The following PIK3R3 variants were observed in gnomAD, a reference collection of about 807,000 sequenced individuals.
PIK3R3 encodes the protein phosphoinositide-3-kinase regulatory subunit 3.
Under a neutral mutation model 62.9 loss-of-function variants are expected in PIK3R3, and 64 were observed. The ratio of observed to expected loss-of-function variants is 1.02; its 90% CI spans 0.83 to 1.25. The LOEUF is 1.25. Ranked by LOEUF, PIK3R3 falls within the 50% of genes most tolerant of loss-of-function variation. The pLI is 0.00. For synonymous variants in PIK3R3, 165 were observed against 189.0 expected, an observed-to-expected ratio of 0.87 and a Z score of 1.04; for missense variants, 614 against 561.6, an observed-to-expected ratio of 1.09 and a Z score of -0.94.
chr1:46,078,532 A>G (rs1183058549), intron 2 of PIK3R3, among the ~76,000 whole-genome samples: 1 of 152,068 alleles, frequency 6.6e-6, no homozygotes, highest in African/African-American at 2.4e-5. Context: ...ACTGAACGAG[A>G]CTCTATCTCA....
chr1:46,120,434 G>T (rs1429462550), intron 1 of PIK3R3, among the ~76,000 whole-genome samples: 1 of 152,242 alleles, frequency 6.6e-6, no homozygotes, highest in East Asian at 1.9e-4. Flanking sequence ...TTAGCCAGGC[G>T]TGGTGGTGGG....
At chr1:46,095,933 G>A (rs1374246323) in intron 1 of PIK3R3, among the ~76,000 whole-genome samples, 1 of 152,144 alleles carries the variant, frequency 6.6e-6, no homozygotes, top group Non-Finnish European at 1.5e-5. Context: ...CCTCCTGATA[G>A]CAATGAATTA....
chr1:46,049,318 C>T (rs1647196057), intron 7 of PIK3R3, among the ~76,000 whole-genome samples: 1 of 152,140 alleles, frequency 6.6e-6, no homozygotes, highest in African/African-American at 2.4e-5. Flanking sequence ...GCCCAACTAC[C>T]ACACTTTAAG....
the PIK3R3 span, among the ~76,000 whole-genome samples, chr1:46,141,973 C>A: frequency 4.6e-5 from 7 of 152,338 alleles, no homozygotes; most frequent in South Asian, 1.2e-3. Flanking sequence ...ATACTCCAAA[C>A]CTTCACTACT....
chr1:46,047,715 C>T (rs1647154394), intron 7 of PIK3R3, among the ~76,000 whole-genome samples: 1 of 152,172 alleles, frequency 6.6e-6, no homozygotes, highest in African/African-American at 2.4e-5. Flanking sequence ...TACACTTTAC[C>T]TTGTTTTATC....
chr1:46,165,586 G>A, the PIK3R3 span, among the ~76,000 whole-genome samples: 2 of 151,708 alleles, frequency 1.3e-5, no homozygotes, highest in South Asian at 2.1e-4. Context: ...GATTACAAGC[G>A]TGAGCCACTG....
intron 1 of PIK3R3, among the ~76,000 whole-genome samples, chr1:46,087,592 CT>C (rs35296719): frequency 0.011 from 1,146 of 100,350 alleles, 8 homozygotes; most frequent in African/African-American, 0.028. Context: ...ACATATTCAT[CT>C]TTTTTTTTTT....
chr1:46,043,859 T>G lies in PIK3R3; in HGVS notation c.1200A>C (p.Glu400Asp), dbSNP rs1267953639. 2 of 1,613,308 alleles carry G rather than the reference T, an allele frequency of 1.2e-6. No homozygotes were observed. The highest frequency in any genetic ancestry group is 2.2e-5 in the East Asian group (1 of 44,856). ...CYACSVVADG[E>D]VKHCVIYSTA... Reference sequence around the variant, plus strand: ...TGCTGTAGATCACACAGTGCTTCACTTCCCCATCGGCCCTGCAATGACAAA... The same window carrying G: ...TGCTGTAGATCACACAGTGCTTCACGTCCCCATCGGCCCTGCAATGACAAA... The change falls in exon 10 of 10, where the codon GAA becomes GAC. Residue 400 changes from glutamate (E) to aspartate (D), a missense_variant. Physicochemically the swap from Glu to Asp is conservative, Grantham distance 45. Coordinates refer to ENST00000262741, the MANE Select transcript of PIK3R3 (RefSeq NM_003629.4).
chr1:46,064,799 T>C (rs1289586749), intron 5 of PIK3R3, among the ~76,000 whole-genome samples: 3 of 152,276 alleles, frequency 2.0e-5, no homozygotes, highest in Non-Finnish European at 2.9e-5. Context: ...GGAAAATGTA[T>C]TGCTTTAAAT....
At chr1:46,133,810 T>C (rs569304058), upstream of PIK3R3, among the ~76,000 whole-genome samples, 17 of 142,816 alleles carry the variant, frequency 1.2e-4, no homozygotes, top group East Asian at 2.9e-3. Context: ...TCAAACCAAT[T>C]AAAAAAAAAA....
chr1:46,041,317 CCT>C lies in PIK3R3; in HGVS notation c.*2354_*2355del, dbSNP rs1439980683. 6.2e-6 allele frequency: 1 copy of C among 161,488 alleles called. No homozygotes were observed. The highest frequency in any genetic ancestry group is 1.4e-5 in the Non-Finnish European group (1 of 73,350). The allele number at this position is 161,488 out of a possible 1,614,324, so 10.0% of individuals were successfully genotyped here. ...ACTGGTCAGAAAAGATACTGTCAAA[CCT>C]CTCAAATGACCCCTGGGTCTTAGAT... On this transcript the variant is annotated 3_prime_UTR_variant, in exon 10 of 10. Transcript: ENST00000262741.
intron 3 of PIK3R3, among the ~76,000 whole-genome samples, chr1:46,072,391 TTCTC>T (rs764931616): frequency 2.0e-5 from 3 of 152,232 alleles, no homozygotes; most frequent in African/African-American, 4.8e-5. Context: ...GCGAGAAACT[TTCTC>T]TCTGTCTTTC....
At chr1:46,073,764 C>T (rs971641309) in intron 3 of PIK3R3, among the ~76,000 whole-genome samples, 3 of 150,112 alleles carry the variant, frequency 2.0e-5, no homozygotes, top group Non-Finnish European at 3.0e-5. Flanking sequence ...GGACCATAGG[C>T]GCATGCCACC....
chr1:46,174,101 C>T, the PIK3R3 span, among the ~76,000 whole-genome samples: 3 of 152,040 alleles, frequency 2.0e-5, no homozygotes, highest in Non-Finnish European at 4.4e-5. Context: ...TTACATATAT[C>T]GTGTGGGGAT....
At chr1:46,093,103 A>C (rs965995716) in intron 1 of PIK3R3, among the ~76,000 whole-genome samples, 1 of 152,202 alleles carries the variant, frequency 6.6e-6, no homozygotes, top group Non-Finnish European at 1.5e-5. Context: ...TACCTCCCTG[A>C]ACCAGCCCTA....
chr1:46,157,170 A>G, the PIK3R3 span, among the ~76,000 whole-genome samples: 1 of 152,136 alleles, frequency 6.6e-6, no homozygotes, highest in Non-Finnish European at 1.5e-5. Context: ...GTCTGACTCT[A>G]TCGCCTAGGC....
the PIK3R3 span, among the ~76,000 whole-genome samples, chr1:46,164,309 C>T: frequency 6.6e-6 from 1 of 152,268 alleles, no homozygotes. Flanking sequence ...ACTCAATTCC[C>T]ATTCAATTCA....
At chr1:46,067,650 A>G (rs976454753) in intron 3 of PIK3R3, among the ~76,000 whole-genome samples, 6 of 152,236 alleles carry the variant, frequency 3.9e-5, no homozygotes, top group African/African-American at 1.4e-4. Context: ...TTATAGCTGC[A>G]TAATTAATCT....
intron 1 of PIK3R3, among the ~76,000 whole-genome samples, chr1:46,130,107 A>G (rs1655446907): frequency 1.3e-5 from 2 of 152,190 alleles, no homozygotes; most frequent in African/African-American, 2.4e-5. Context: ...TATTTCAACC[A>G]TAAGTGCATT....
Sources: gnomAD v4.1 joint callset for allele counts (sites outside exome capture counted in the v4.1 genomes callset) on GRCh38, gnomAD v4.1.1 for gene constraint, MANE v1.5 for transcripts, NCBI Gene and HGNC (gene_info 2026-07-23, HGNC 2026-07-21) for gene names.